EXOC3L4: variants seen among roughly 807,000 people sequenced by gnomAD.
EXOC3L4 encodes the protein exocyst complex component 3 like 4.
Under a neutral mutation model 69.7 loss-of-function variants are expected in EXOC3L4, and 62 were observed. The observed-to-expected ratio is 0.89, with a 90% CI of 0.72 to 1.10. The LOEUF is 1.10. EXOC3L4 is among the 50% of genes least tolerant of loss of function. EXOC3L4 has a pLI of 0.00. For missense variants in EXOC3L4, 1,087 were observed against 1,034.8 expected (o/e 1.05, Z -0.69); for synonymous variants, 502 against 464.2 (o/e 1.08, Z -1.05).
intron 1 of EXOC3L4, among the ~76,000 whole-genome samples, chr14:103,095,212 G>A (rs931269255): frequency 2.6e-5 from 4 of 152,198 alleles, no homozygotes; most frequent in East Asian, 1.9e-4. Flanking sequence ...GTATATGCCC[G>A]CGCGCTCAAG....
At chr14:103,106,733 C>A in intron 7 of EXOC3L4, 52 bp from the exon 8 acceptor site, 1 of 1,201,504 alleles carries the variant, frequency 8.3e-7, no homozygotes, top group Non-Finnish European at 1.2e-6. Context: ...GGCTCTATTC[C>A]CCAGCCTGGT....
chr14:103,100,879 G>C (rs1890150277), intron 2 of EXOC3L4, among the ~76,000 whole-genome samples: 1 of 151,222 alleles, frequency 6.6e-6, no homozygotes, highest in Non-Finnish European at 1.5e-5. Context: ...GGGACTACAG[G>C]TGTAAGCCAC....
At position 103,105,063 on chromosome 14, in the gene EXOC3L4, A is replaced by G; in HGVS notation, c.1457A>G (p.Glu486Gly). The G allele has an allele frequency of 6.2e-7, 1 of 1,610,286 alleles. No individual in the cohort carries two copies. Among genetic ancestry groups the G allele is most frequent in the Non-Finnish European group, 8.5e-7 (1 of 1,177,346 alleles). Reference sequence around the variant, plus strand: ...CTGGGCGCCTACATCAACGCCTGCGAGGAGCTCAGGTAGGGCTCGCCCGCT... The same window carrying G: ...CTGGGCGCCTACATCAACGCCTGCGGGGAGCTCAGGTAGGGCTCGCCCGCT... ...PHLGAYINAC[E>G]ELRTSLLSRF... is the part of the protein sequence containing the mutation. The change falls in exon 7 of 12, where the codon GAG becomes GGG. Residue 486 changes from glutamate (E) to glycine (G), a missense_variant. Glu to Gly is a moderately conservative substitution (Grantham distance 98, BLOSUM62 -2). Coordinates refer to ENST00000688303, the MANE Select transcript of EXOC3L4 (RefSeq NM_001077594.2).
chr14:103,103,039 G>A (rs1490310226), intron 3 of EXOC3L4, among the ~76,000 whole-genome samples: 1 of 152,194 alleles, frequency 6.6e-6, no homozygotes, highest in Non-Finnish European at 1.5e-5. Context: ...GCCTGTGCTG[G>A]TTCCACCAGG....
Position 103,110,445 on chromosome 14 carries a change from C to A in EXOC3L4, c.*222C>A. On this transcript the variant is annotated 3_prime_UTR_variant, in exon 12 of 12. Coordinates refer to ENST00000688303, the MANE Select transcript of EXOC3L4 (RefSeq NM_001077594.2). The stretch of plus-strand genomic sequence containing the variant: ...AGGGGAGTGTTTTGGGGCCGCAGAG[C>A]TCTCAATGCTGCCTATCGGGCGGGG... 1.5e-6 allele frequency: 1 copy of A among 666,780 alleles called. No individual in the cohort carries two copies. Among genetic ancestry groups the A allele is most frequent in the Non-Finnish European group, 2.7e-6 (1 of 372,260 alleles). The allele number at this position is 666,780 out of a possible 1,614,324, so 41.3% of individuals were successfully genotyped here.
In EXOC3L4 at chr14:103,110,047, G is replaced by T. The variant is rs771553517; in HGVS notation, c.1993G>T (p.Ala665Ser). ...TCTCTGCAGGCGGGACCACATACTGGCCATTCTGGCGCTGCGCCGACTGGG... is the reference window on the plus strand; with the variant it reads ...TCTCTGCAGGCGGGACCACATACTGTCCATTCTGGCGCTGCGCCGACTGGG... ...YPDIRRDHIL[A>S]ILALRRLGRQ... Residue 665 changes from alanine to serine, a missense_variant, in exon 12 of 12, where the codon GCC becomes TCC. By Grantham distance (99) the Ala-to-Ser change is moderately conservative (BLOSUM62 1). Transcript: ENST00000688303. The T allele has an allele frequency of 3.1e-6, 5 of 1,598,430 alleles. No individual in the cohort carries two copies. The South Asian group carries it at 5.6e-5, about 18-fold the overall frequency.
chr14:103,102,767 C>T lies in EXOC3L4; in HGVS notation c.1044C>T (p.Tyr348=), dbSNP rs1274226946. ...YILLDWAANV[Y]GSPDFLGAPG... is the part of the protein sequence containing the mutation. Reference sequence around the variant, plus strand: ...TGCTGGACTGGGCCGCCAACGTCTACGGCAGGTGAGTCTCGGCCAGGGCGC... The same window carrying T: ...TGCTGGACTGGGCCGCCAACGTCTATGGCAGGTGAGTCTCGGCCAGGGCGC... The change falls in exon 3 of 12, where the codon TAC becomes TAT. Residue 348 remains tyrosine, a synonymous_variant. Transcript: ENST00000688303. 1.5e-6 allele frequency: 2 copies of T among 1,349,898 alleles called. No individual in the cohort carries two copies. The highest frequency in any genetic ancestry group is 1.5e-5 in the African/African-American group (1 of 65,428). The allele number at this position is 1,349,898 out of a possible 1,614,324, so 83.6% of individuals were successfully genotyped here. A position where few individuals can be genotyped will look rare whatever the true frequency, so the allele number is the denominator to read the frequency against.
intron 1 of EXOC3L4, 191 bp from the exon 2 acceptor site, chr14:103,100,013 G>A (rs570294851): frequency 3.3e-5 from 19 of 584,142 alleles, no homozygotes; most frequent in East Asian, 1.5e-4. Flanking sequence ...CTATATCTCC[G>A]TGCCCAGCTG....
At chr14:103,094,568 T>C (rs972088523), upstream of EXOC3L4, among the ~76,000 whole-genome samples, 1 of 150,900 alleles carries the variant, frequency 6.6e-6, no homozygotes, top group Non-Finnish European at 1.5e-5. Flanking sequence ...CCCTGAGCTG[T>C]CTGGAATGGA....
In EXOC3L4 at chr14:103,106,821, G is replaced by T; in HGVS notation, c.1503G>T (p.Glu501Asp). ...TCTCCAGGTTCCCAGGAACCCAAGA[G>T]GAGCTGGAGAAGCCCCTGGTGACGG... Reference protein sequence around the residue: ...SLLSRFPGTQEELEKPLVTAT... With the variant: ...SLLSRFPGTQDELEKPLVTAT... Residue 501 changes from glutamate (E) to aspartate (D), a missense_variant, in exon 8 of 12, where the codon GAG becomes GAT. Coordinates refer to ENST00000688303, the MANE Select transcript of EXOC3L4 (RefSeq NM_001077594.2). 1 of 1,595,208 alleles carries T rather than the reference G, an allele frequency of 6.3e-7. No homozygotes were observed. Among genetic ancestry groups the T allele is most frequent in the East Asian group, 2.2e-5 (1 of 44,484 alleles).
In EXOC3L4 at chr14:103,104,275, C is replaced by T; in HGVS notation, c.1170C>T (p.Ile390=). The change falls in exon 5 of 12, where the codon ATC becomes ATT. Residue 390 remains isoleucine, a synonymous_variant. Coordinates refer to ENST00000688303, the MANE Select transcript of EXOC3L4 (RefSeq NM_001077594.2). ...ATCCCTTCTCCCCCCAGGCCAAGAT[C>T]GCAAGCTGCTTCGACAGCATCTTGC... The part of the protein sequence containing the change: ...SDYTSFLEAK[I]ASCFDSILQL... 1 of 1,590,496 alleles carries T rather than the reference C, an allele frequency of 6.3e-7. No individual in the cohort carries two copies. Among genetic ancestry groups the T allele is most frequent in the Non-Finnish European group, 8.5e-7 (1 of 1,170,332 alleles).
chr14:103,100,310 C>T lies in EXOC3L4; in HGVS notation c.91C>T (p.Arg31Ter), dbSNP rs770586509. 48 of 1,585,654 alleles carry T rather than the reference C, an allele frequency of 3.0e-5. No individual in the cohort carries two copies. Among genetic ancestry groups the T allele is most frequent in the East Asian group, 4.6e-5 (2 of 43,692 alleles). Residue 31 changes from arginine (R) to a stop codon, truncating the protein, a stop_gained, in exon 2 of 12, where the codon CGA (arginine) becomes TGA (stop). Transcript: ENST00000688303. LOFTEE classifies it high-confidence loss of function. ...ACAGACTCCAGCTCAGGGCTCCCGG[C>T]GAACAAGCAGCAGGAAAGAGCCCAA... ...EPQTPAQGSR[R>*]TSSRKEPNAH...
In EXOC3L4 at chr14:103,110,048, C is replaced by T. The variant is rs772963117; in HGVS notation, c.1994C>T (p.Ala665Val). The change falls in exon 12 of 12, where the codon GCC becomes GTC. Residue 665 changes from alanine (A) to valine (V), a missense_variant. Ala to Val is a moderately conservative substitution (Grantham distance 64). Transcript: ENST00000688303. The part of the protein sequence containing the change: ...YPDIRRDHIL[A>V]ILALRRLGRQ... ...CTCTGCAGGCGGGACCACATACTGG[C>T]CATTCTGGCGCTGCGCCGACTGGGC... 1.3e-6 allele frequency: 2 copies of T among 1,597,360 alleles called. No individual in the cohort carries two copies. Among genetic ancestry groups the T allele is most frequent in the African/African-American group, 1.3e-5 (1 of 74,802 alleles).
chr14:103,102,419 C>G lies in EXOC3L4; in HGVS notation c.696C>G (p.Gly232=). The change falls in exon 3 of 12, where the codon GGC becomes GGG. Residue 232 remains glycine (G), a synonymous_variant. Coordinates refer to ENST00000688303, the MANE Select transcript of EXOC3L4 (RefSeq NM_001077594.2). ...EEAHPSPPDD[G]DFLRTPRRWR... The stretch of plus-strand genomic sequence containing the variant: ...CCCACCCTTCTCCCCCCGACGACGG[C>G]GACTTCCTGCGCACGCCGCGCCGCT... 6.5e-7 allele frequency: 1 copy of G among 1,527,496 alleles called. No homozygotes were observed. The highest frequency in any genetic ancestry group is 1.2e-5 in the South Asian group (1 of 83,080). The allele number at this position is 1,527,496 out of a possible 1,614,324, so 94.6% of individuals were successfully genotyped here. A position where few individuals can be genotyped will look rare whatever the true frequency, so the allele number is the denominator to read the frequency against.
chr14:103,107,476 A>G lies in EXOC3L4; in HGVS notation c.1634A>G (p.His545Arg), dbSNP rs568450369. 85 of 1,613,874 alleles carry G rather than the reference A, an allele frequency of 5.3e-5. 1 individual carries two copies. In the South Asian group the frequency reaches 8.9e-4, roughly 17 times the overall value. ...TRDWLTQDWL[H>R]PLMDKVVTFA... is the part of the protein sequence containing the mutation. ...GACTGGCTGACGCAGGACTGGCTGC[A>G]TCCCCTCATGGACAAGGTGGTGACC... The change falls in exon 9 of 12, where the codon CAT (histidine) becomes CGT (arginine). Residue 545 changes from histidine (H) to arginine (R), a missense_variant. Physicochemically the swap from His to Arg is conservative, Grantham distance 29. Coordinates refer to ENST00000688303, the MANE Select transcript of EXOC3L4 (RefSeq NM_001077594.2).
At chr14:103,103,271 C>T (rs1890313157) in intron 3 of EXOC3L4, among the ~76,000 whole-genome samples, 1 of 149,346 alleles carries the variant, frequency 6.7e-6, no homozygotes, top group Non-Finnish European at 1.5e-5. Flanking sequence ...AGGAGAATCG[C>T]TTGAACCCGG....
chr14:103,098,710 G>A (rs972184321), intron 1 of EXOC3L4: 4 of 152,366 alleles, frequency 2.6e-5, no homozygotes, highest in African/African-American at 9.7e-5. Flanking sequence ...GGGCACCGGG[G>A]AGAGAGAAGC....
Position 103,097,030 on chromosome 14 carries a change from G to A in EXOC3L4, c.-17+2190G>A, listed in dbSNP as rs577334182. Among the ~76,000 whole-genome samples, 19 of 152,254 alleles carry A rather than the reference G, an allele frequency of 1.2e-4. No individual in the cohort carries two copies. The highest frequency in any genetic ancestry group is 4.6e-4 in the African/African-American group (19 of 41,532). On this transcript the variant is annotated intron_variant, in intron 1 of 11. Coordinates refer to ENST00000688303, the MANE Select transcript of EXOC3L4 (RefSeq NM_001077594.2). The surrounding 1 kb of genome is among the most constrained non-coding windows in gnomAD (Gnocchi z 4.9). ...GGTCCAGTCCCAGCGTAGTTGGGGA[G>A]GCTGGGGAGTGGGTGAGCACTGCAG... is the stretch of plus-strand genomic sequence containing the variant.
chr14:103,100,090 G>A, intron 1 of EXOC3L4, 114 bp from the exon 2 acceptor site: 2 of 1,184,074 alleles, frequency 1.7e-6, no homozygotes, highest in Non-Finnish European at 2.3e-6. Context: ...GACAGCCTGA[G>A]GGCTGCCTCC....
Sources: gnomAD v4.1 joint callset for allele counts (sites outside exome capture counted in the v4.1 genomes callset) on GRCh38, gnomAD v4.1.1 for gene constraint, Gnocchi (gnomAD v3.1) non-coding constraint, MANE v1.5 for transcripts, NCBI Gene and HGNC (gene_info 2026-07-23, HGNC 2026-07-21) for gene names.